The following CDC42BPB variants were observed in gnomAD, a reference collection of about 807,000 sequenced individuals.
The protein encoded by CDC42BPB is CDC42 binding protein kinase beta.
A neutral mutation model predicts 214.9 loss-of-function variants in CDC42BPB; 37 were observed. The observed-to-expected ratio is 0.17, with a 90% CI of 0.13 to 0.23. The LOEUF is 0.23. Ranked by LOEUF, CDC42BPB falls within the 10% of genes least tolerant of loss-of-function variation. The pLI, the probability that CDC42BPB is intolerant of heterozygous loss-of-function variation, is 1.00. For synonymous variants in CDC42BPB, 931 were observed against 884.0 expected (o/e 1.05, Z -0.94); for missense variants, 1,694 against 2,227.0 (o/e 0.76, Z 4.82).
chr14:102,981,200 T>C, intron 7 of CDC42BPB, 179 bp from the exon 8 acceptor site: 3 of 984,734 alleles, frequency 3.0e-6, no homozygotes, highest in Non-Finnish European at 3.6e-6. Flanking sequence ...AGAAAACCAG[T>C]GGTCCTTCTG....
chr14:102,985,318 A>G (rs1202260292), intron 6 of CDC42BPB, among the ~76,000 whole-genome samples: 2 of 148,662 alleles, frequency 1.3e-5, no homozygotes, highest in Non-Finnish European at 3.0e-5. Context: ...AGGGTAACCC[A>G]TGTTCTGGTT....
At chr14:103,029,858 C>CA (rs11299296) in intron 1 of CDC42BPB, among the ~76,000 whole-genome samples, 6,978 of 59,994 alleles carry the variant, frequency 0.12, 205 homozygotes, top group African/African-American at 0.17. Context: ...ACTCCATCTC[C>CA]AAAAAAAAAA....
intron 27 of CDC42BPB, 143 bp from the exon 28 acceptor site, chr14:102,946,827 C>T (rs1352257325): frequency 1.4e-5 from 21 of 1,449,512 alleles, no homozygotes; most frequent in South Asian, 4.4e-5. Flanking sequence ...GACTCCACCT[C>T]GCTGGGCGCC....
At chr14:102,967,209 G>T (rs763237977) in intron 16 of CDC42BPB, 39 bp from the exon 17 acceptor site, 1 of 1,589,472 alleles carries the variant, frequency 6.3e-7, no homozygotes, top group South Asian at 1.1e-5. Context: ...TTGTTAATCG[G>T]GCATCCTTTA....
chr14:103,043,585 A>G (rs1595186556), intron 1 of CDC42BPB, among the ~76,000 whole-genome samples: 2 of 152,172 alleles, frequency 1.3e-5, no homozygotes, highest in South Asian at 2.1e-4. Flanking sequence ...AGATGGTTGC[A>G]TGACTCGACG....
intron 2 of CDC42BPB, among the ~76,000 whole-genome samples, chr14:103,011,701 G>A (rs1374792257): frequency 2.0e-5 from 3 of 151,968 alleles, no homozygotes; most frequent in South Asian, 4.2e-4. Context: ...CCAAGATCGC[G>A]CCACTGCACT....
intron 1 of CDC42BPB, among the ~76,000 whole-genome samples, chr14:103,056,058 A>C (rs1566931808): frequency 6.6e-6 from 1 of 152,238 alleles, no homozygotes. Context: ...TTCACGCTGC[A>C]CTTTTACCTG....
Position 102,981,750 on chromosome 14 carries a change from C to G in CDC42BPB, c.892-729G>C, listed in dbSNP as rs35579001. Among the ~76,000 whole-genome samples the G allele has an allele frequency of 6.0e-3, 916 of 152,306 alleles. 13 individuals are homozygous for G. The highest frequency in any genetic ancestry group is 0.021 in the African/African-American group (874 of 41,562). ...CAAGATCGTGCCACTGCACTCCAGC[C>G]TGGGTGACAAGAGCGAGATTCCAGC... On this transcript the variant is annotated intron_variant, in intron 7 of 36. Transcript: ENST00000361246.
In CDC42BPB at chr14:102,980,932, C is replaced by A. The variant is rs1236181045; in HGVS notation, c.981G>T (p.Arg327=). The change falls in exon 8 of 37, where the codon CGG becomes CGT. Residue 327 remains arginine (R), a synonymous_variant. Transcript: ENST00000361246. ...AATCCTCTATTCCATTCTGCCCCAG[C>A]CGGCGTTCTCTACTGCAGATCAGTC... ...IQRLICSRER[R]LGQNGIEDFK... is the part of the protein sequence containing the mutation. 1 of 1,614,196 alleles carries A rather than the reference C, an allele frequency of 6.2e-7. No homozygotes were observed. Among genetic ancestry groups the A allele is most frequent in the Non-Finnish European group, 8.5e-7 (1 of 1,180,048 alleles).
intron 1 of CDC42BPB, among the ~76,000 whole-genome samples, chr14:103,046,368 C>T (rs980522438): frequency 1.2e-4 from 18 of 152,134 alleles, no homozygotes; most frequent in African/African-American, 3.9e-4. Flanking sequence ...CACTTAAAGT[C>T]GGCCCTATGC....
chr14:103,010,389 C>T (rs919298663), intron 2 of CDC42BPB, among the ~76,000 whole-genome samples: 1 of 152,162 alleles, frequency 6.6e-6, no homozygotes, highest in Admixed American at 6.5e-5. Context: ...ACTGGGAGCT[C>T]CGGGCACGAT....
chr14:103,041,774 A>T (rs1888013599), intron 1 of CDC42BPB: 1 of 490,800 alleles, frequency 2.0e-6, no homozygotes, highest in Admixed American at 3.1e-5. Context: ...AGGAGGCAGT[A>T]CGAGTCCACC....
chr14:103,010,400 G>C (rs1886083274), intron 2 of CDC42BPB, among the ~76,000 whole-genome samples: 1 of 152,236 alleles, frequency 6.6e-6, no homozygotes, highest in Non-Finnish European at 1.5e-5. Context: ...CGGGCACGAT[G>C]GGACGAGCCT....
At chr14:103,023,776 T>C (rs1413851139) in intron 1 of CDC42BPB, among the ~76,000 whole-genome samples, 1 of 152,200 alleles carries the variant, frequency 6.6e-6, no homozygotes, top group African/African-American at 2.4e-5. Context: ...ATTAAATATA[T>C]ATCTTCTAAT....
At chr14:102,935,669 A>C (rs901639999) in intron 36 of CDC42BPB, among the ~76,000 whole-genome samples, 8 of 150,438 alleles carry the variant, frequency 5.3e-5, no homozygotes, top group Non-Finnish European at 3.0e-5. Context: ...GGGCACCTGT[A>C]GTCCCAGCTA....
intron 1 of CDC42BPB, among the ~76,000 whole-genome samples, chr14:103,045,362 C>T (rs1566925133): frequency 6.6e-6 from 1 of 152,140 alleles, no homozygotes; most frequent in Non-Finnish European, 1.5e-5. Context: ...TATGACATTT[C>T]CAGAAAGATG....
intron 1 of CDC42BPB, among the ~76,000 whole-genome samples, chr14:103,032,126 T>C (rs1166471781): frequency 6.6e-6 from 1 of 152,104 alleles, no homozygotes; most frequent in Non-Finnish European, 1.5e-5. Context: ...TATGAAGGCC[T>C]GGAGAAGCAA....
chr14:103,051,766 C>T (rs1353563940), intron 1 of CDC42BPB, among the ~76,000 whole-genome samples: 2 of 152,200 alleles, frequency 1.3e-5, no homozygotes, highest in Non-Finnish European at 2.9e-5. Context: ...TCTTCAAATC[C>T]AATTTTATTT....
intron 1 of CDC42BPB, among the ~76,000 whole-genome samples, chr14:103,018,022 G>GGT (rs1398399197): frequency 1.3e-5 from 2 of 152,232 alleles, no homozygotes; most frequent in Non-Finnish European, 2.9e-5. Context: ...GGGGGGTGGA[G>GGT]GAGGTGAGGT....
Sources: allele counts gnomAD v4.1 joint callset (sites outside exome capture counted in the v4.1 genomes callset), GRCh38; gene constraint gnomAD v4.1.1; transcripts MANE v1.5; gene names NCBI Gene and HGNC (gene_info 2026-07-23, HGNC 2026-07-21).